CDV3: variants seen among roughly 807,000 people sequenced by gnomAD.
The protein encoded by CDV3 is protein CDV3 homolog.
Under a neutral mutation model 24.5 loss-of-function variants are expected in CDV3, and 14 were observed. The ratio of observed to expected loss-of-function variants is 0.57; its 90% CI spans 0.38 to 0.89. The LOEUF is 0.89. CDV3 is among the 40% of genes least tolerant of loss of function. The probability of loss-of-function intolerance (pLI) is 0.00; values close to 1 mark genes in which losing one functional copy is unlikely to be tolerated. For synonymous variants in CDV3, 114 were observed against 114.1 expected (o/e 1.00, Z 0.00); for missense variants, 304 against 310.2 (o/e 0.98, Z 0.15).
chr3:133,579,563 A>G (rs118138348), intron 2 of CDV3, among the ~76,000 whole-genome samples: 7 of 151,866 alleles, frequency 4.6e-5, no homozygotes, highest in East Asian at 3.9e-4. Context: ...AATTCCTTCA[A>G]TTGTTGGATG....
At chr3:133,583,889 C>G in intron 2 of CDV3, 113 bp from the exon 3 acceptor site, 1 of 726,938 alleles carries the variant, frequency 1.4e-6, no homozygotes, top group South Asian at 2.0e-5. Context: ...CGTTCAGTCT[C>G]GAAAGAGATT....
chr3:133,587,568 T>G (rs1233839673), intron 4 of CDV3: 1 of 1,102,976 alleles, frequency 9.1e-7, no homozygotes, highest in African/African-American at 1.6e-5. Flanking sequence ...GAGAGAGATG[T>G]ATTATCTATT....
intron 2 of CDV3, among the ~76,000 whole-genome samples, chr3:133,575,367 T>TTTGA (rs1206542545): frequency 6.6e-6 from 1 of 152,270 alleles, no homozygotes; most frequent in Non-Finnish European, 1.5e-5. Context: ...GGACTTTTCA[T>TTTGA]TTGAGACAGC....
In CDV3 at chr3:133,574,128, G is replaced by A. The variant is rs751160416; in HGVS notation, c.84G>A (p.Ala28=). Residue 28 remains alanine, a synonymous_variant, in exon 1 of 5, where the codon GCG becomes GCA. Coordinates refer to ENST00000264993, the MANE Select transcript of CDV3 (RefSeq NM_017548.5). ...AGAAGAAGGAGCGGAGCAACCGGGC[G>A]GCGAGTGCCGCGGGCGCAGCGGGCA... The part of the protein sequence containing the change: ...KKKKKERSNR[A]ASAAGAAGSA... 7 of 1,197,584 alleles carry A rather than the reference G, an allele frequency of 5.8e-6. No homozygotes were observed. In the African/African-American group the frequency reaches 6.5e-5, roughly 11 times the overall value. The allele number at this position is 1,197,584 out of a possible 1,614,324, so 74.2% of individuals were successfully genotyped here. A position where few individuals can be genotyped will look rare whatever the true frequency, so the allele number is the denominator to read the frequency against.
Position 133,588,080 on chromosome 3 carries a change from A to G in CDV3, c.*34A>G, listed in dbSNP as rs781198560. ...CTTTGCTAACCCTTCTGAGGTAACT[A>G]GACTGCAGCTAACCACCACCAACAG... is the stretch of plus-strand genomic sequence containing the variant. On this transcript the variant is annotated 3_prime_UTR_variant, in exon 5 of 5. Coordinates refer to ENST00000264993, the MANE Select transcript of CDV3 (RefSeq NM_017548.5). 10 of 1,600,180 alleles carry G rather than the reference A, an allele frequency of 6.2e-6. No individual in the cohort carries two copies. The Admixed American group carries it at 1.7e-4, about 28-fold the overall frequency.
At chr3:133,587,676 T>G in intron 4 of CDV3, 1 of 1,299,384 alleles carries the variant, frequency 7.7e-7, no homozygotes, top group Non-Finnish European at 9.8e-7. Flanking sequence ...TTAATACTGT[T>G]CAGTAGAAGA....
At chr3:133,576,973 G>C (rs2074839935) in intron 2 of CDV3, among the ~76,000 whole-genome samples, 1 of 148,578 alleles carries the variant, frequency 6.7e-6, no homozygotes, top group Non-Finnish European at 1.5e-5. Context: ...TCAGCCTCCC[G>C]AGTAGCTGGG....
rs1933878931 is a variant in CDV3, at chr3:133,589,011, G to A, written c.*965G>A. 6.6e-6 allele frequency: 1 copy of A among 152,638 alleles called. No homozygotes were observed. Among genetic ancestry groups the A allele is most frequent in the Non-Finnish European group, 1.5e-5 (1 of 68,094 alleles). The allele number at this position is 152,638 out of a possible 1,614,324, so 9.5% of individuals were successfully genotyped here. A position where few individuals can be genotyped will look rare whatever the true frequency, so the allele number is the denominator to read the frequency against. On this transcript the variant is annotated 3_prime_UTR_variant, in exon 5 of 5. Transcript: ENST00000264993. ...GAACCAAATAGCCTTTGATGAAAAG[G>A]GCAGTGGATTCTGGAGGCTCTACTT...
intron 4 of CDV3, among the ~76,000 whole-genome samples, 186 bp downstream of exon 4, chr3:133,586,908 G>C (rs979190264): frequency 2.0e-5 from 3 of 152,230 alleles, no homozygotes; most frequent in African/African-American, 7.2e-5. Flanking sequence ...AGGAAAGGGG[G>C]AGGGCAAAGA....
At position 133,578,474 on chromosome 3, in the gene CDV3, A is replaced by C. The variant is rs147717582; in HGVS notation, c.317+3359A>C. Among the ~76,000 whole-genome samples, 1,045 of 152,356 alleles carry C rather than the reference A, an allele frequency of 6.9e-3. 3 individuals carry two copies. Among genetic ancestry groups the C allele is most frequent in the Middle Eastern group, 0.014 (4 of 294 alleles). On this transcript the variant is annotated intron_variant, in intron 2 of 4. Transcript: ENST00000264993. ...TTATCCAAGGTGGATTTATTCTAGC[A>C]AATACTTATGTGACTACTCTGCTAG...
At position 133,588,050 on chromosome 3, in the gene CDV3, A is replaced by G. The variant is rs756818578; in HGVS notation, c.*4A>G. On this transcript the variant is annotated 3_prime_UTR_variant, in exon 5 of 5. Coordinates refer to ENST00000264993, the MANE Select transcript of CDV3 (RefSeq NM_017548.5). The stretch of plus-strand genomic sequence containing the variant: ...CAGCCACTCACAATACAATTAAGGA[A>G]TGGGCTTTGCTAACCCTTCTGAGGT... 3 of 1,611,758 alleles carry G rather than the reference A, an allele frequency of 1.9e-6. No homozygotes were observed. The highest frequency in any genetic ancestry group is 2.7e-5 in the African/African-American group (2 of 74,722).
At chr3:133,580,210 A>G (rs2074962670) in intron 2 of CDV3, among the ~76,000 whole-genome samples, 1 of 151,752 alleles carries the variant, frequency 6.6e-6, no homozygotes, top group African/African-American at 2.4e-5. Flanking sequence ...TGTGAGTGAG[A>G]ACATGCAGTG....
intron 1 of CDV3, 149 bp downstream of exon 1, chr3:133,574,433 C>G (rs1167578401): frequency 3.2e-5 from 32 of 984,812 alleles, no homozygotes; most frequent in Middle Eastern, 1.0e-3. Flanking sequence ...CTCTCCACCT[C>G]GGGCTGGGCT....
chr3:133,575,815 T>A (rs972739107), intron 2 of CDV3, among the ~76,000 whole-genome samples: 2 of 152,258 alleles, frequency 1.3e-5, no homozygotes, highest in Non-Finnish European at 2.9e-5. Flanking sequence ...AAGTCCAGTC[T>A]ATGGCAGTCA....
chr3:133,574,719 AAAAAG>A, intron 1 of CDV3: 2 of 1,091,680 alleles, frequency 1.8e-6, no homozygotes, highest in South Asian at 2.7e-5. Flanking sequence ...CCCGTGAAAG[AAAAAG>A]AAAACTCTCG....
Position 133,589,735 on chromosome 3 carries a change from C to T in CDV3, c.*1689C>T, listed in dbSNP as rs878874718. The T allele has an allele frequency of 2.0e-5, 3 of 152,372 alleles. No homozygotes were observed. The highest frequency in any genetic ancestry group is 4.8e-5 in the African/African-American group (2 of 41,450). 9.4% of individuals were successfully genotyped at this position (152,372 alleles called of 1,614,324 possible). On this transcript the variant is annotated 3_prime_UTR_variant, in exon 5 of 5. Coordinates refer to ENST00000264993, the MANE Select transcript of CDV3 (RefSeq NM_017548.5). ...ACTCCGAGGAGGGTTACAGTATCTC[C>T]TGACGGGACCTGCCACTCGCATCTG...
At chr3:133,586,762 G>A (rs1395207259) in intron 4 of CDV3, 40 bp downstream of exon 4, 5 of 1,331,946 alleles carry the variant, frequency 3.8e-6, no homozygotes, top group African/African-American at 2.9e-5. Context: ...TGGGACTTCT[G>A]TTCCTAGGCC....
Position 133,588,399 on chromosome 3 carries a change from A to C in CDV3, c.*353A>C. On this transcript the variant is annotated 3_prime_UTR_variant, in exon 5 of 5. Coordinates refer to ENST00000264993, the MANE Select transcript of CDV3 (RefSeq NM_017548.5). Reference sequence around the variant, plus strand: ...TGACTACCTCAGATTTGCTGCACTCATTGTGGACTTCATGTGGATCACAAC... The same window carrying C: ...TGACTACCTCAGATTTGCTGCACTCCTTGTGGACTTCATGTGGATCACAAC... 6.5e-7 allele frequency: 1 copy of C among 1,529,244 alleles called. No homozygotes were observed. The highest frequency in any genetic ancestry group is 8.8e-7 in the Non-Finnish European group (1 of 1,140,664). 94.7% of individuals were successfully genotyped at this position (1,529,244 alleles called of 1,614,324 possible).
rs947520408 is a variant in CDV3 at position 133,574,808 on chromosome 3, A to C, written c.241-231A>C. ...TTCCTTCGGCTTTTCTTAGTTGCTT[A>C]AAGTAACAGCTCCCATGCAGGAACC... On this transcript the variant is annotated intron_variant, in intron 1 of 4. Transcript: ENST00000264993. 8 of 898,692 alleles carry C rather than the reference A, an allele frequency of 8.9e-6. No homozygotes were observed. In the African/African-American group the frequency reaches 1.2e-4, roughly 13 times the overall value. 55.7% of individuals were successfully genotyped at this position (898,692 alleles called of 1,614,324 possible).
Sources: allele counts gnomAD v4.1 joint callset (sites outside exome capture counted in the v4.1 genomes callset), GRCh38; gene constraint gnomAD v4.1.1; transcripts MANE v1.5; gene names NCBI Gene and HGNC (gene_info 2026-07-23, HGNC 2026-07-21).